Variants in LMBR1 observed in about 807,000 individuals in gnomAD.
LMBR1 encodes the protein limb region 1 protein homolog.
Under a neutral mutation model 73.9 loss-of-function variants are expected in LMBR1, and 52 were observed. The observed-to-expected ratio is 0.70, with a 90% CI of 0.56 to 0.89. The LOEUF (loss-of-function observed/expected upper bound fraction) is 0.89, where lower values mean the gene tolerates loss of function less well. Ranked by LOEUF, LMBR1 falls within the 40% of genes least tolerant of loss-of-function variation. The probability of loss-of-function intolerance (pLI) is 0.00; values close to 1 mark genes in which losing one functional copy is unlikely to be tolerated. For missense variants in LMBR1, 539 were observed against 579.8 expected (o/e 0.93, Z 0.72); for synonymous variants, 215 against 209.4 (o/e 1.03, Z -0.23).
chr7:156,865,099 C>A (rs926173452), intron 1 of LMBR1, among the ~76,000 whole-genome samples: 61 of 151,348 alleles, frequency 4.0e-4, no homozygotes, highest in African/African-American at 1.4e-3. Flanking sequence ...TTGAGCTCAG[C>A]AGTTCAAGAC....
Position 156,683,721 on chromosome 7 carries a change from C to G in LMBR1, c.*357G>C, listed in dbSNP as rs768087878. 5.6e-6 allele frequency: 1 copy of G among 179,664 alleles called. No homozygotes were observed. The highest frequency in any genetic ancestry group is 1.2e-5 in the Non-Finnish European group (1 of 86,460). 11.1% of individuals were successfully genotyped at this position (179,664 alleles called of 1,614,324 possible). A position where few individuals can be genotyped will look rare whatever the true frequency, so the allele number is the denominator to read the frequency against. The stretch of plus-strand genomic sequence containing the variant: ...AGTACATAATGGGATTTAAGTAAAT[C>G]TTTAGAAGTCCCGGAGTTTGCCTTT... On this transcript the variant is annotated 3_prime_UTR_variant, in exon 17 of 17. Transcript: ENST00000353442.
chr7:156,776,965 C>A (rs1473937218), intron 5 of LMBR1, among the ~76,000 whole-genome samples: 2 of 150,940 alleles, frequency 1.3e-5, no homozygotes, highest in Non-Finnish European at 2.9e-5. Context: ...TGGAATCTCG[C>A]CTGTCGCCCA....
At chr7:156,700,308 T>C (rs1332956749) in intron 15 of LMBR1, among the ~76,000 whole-genome samples, 1 of 151,804 alleles carries the variant, frequency 6.6e-6, no homozygotes, top group African/African-American at 2.4e-5. Flanking sequence ...AACCAAACAC[T>C]GCATGTTCTC....
At position 156,669,574 on chromosome 7, in the gene LMBR1, G is replaced by A. The variant is rs1168584114; in HGVS notation, n.867-287C>T. On this transcript the variant is annotated intron_variant and non_coding_transcript_variant, in intron 4 of 4. Transcript: ENST00000430825. This position sits in a 1 kb window ranked among gnomAD's most constrained non-coding sequence, Gnocchi z 4.2. Reference sequence around the variant, plus strand: ...TGACCCTTCCAGGACCCAGACCCCTGTGAGGCCCTGAGCTGGGCGCTGAGC... The same window carrying A: ...TGACCCTTCCAGGACCCAGACCCCTATGAGGCCCTGAGCTGGGCGCTGAGC... 2.6e-5 allele frequency among the ~76,000 whole-genome samples: 4 copies of A among 152,178 alleles called. No individual in the cohort carries two copies. Among genetic ancestry groups the A allele is most frequent in the Non-Finnish European group, 5.9e-5 (4 of 68,024 alleles).
At chr7:156,879,663 CAAA>C (rs751353773) in intron 1 of LMBR1, among the ~76,000 whole-genome samples, 1 of 92,440 alleles carries the variant, frequency 1.1e-5, no homozygotes. Context: ...GACTCTGTCT[CAAA>C]AAAAAAAAAA....
At chr7:156,837,950 C>G (rs1837960877) in intron 1 of LMBR1, among the ~76,000 whole-genome samples, 1 of 151,960 alleles carries the variant, frequency 6.6e-6, no homozygotes, top group Non-Finnish European at 1.5e-5. Flanking sequence ...CCATGCCTGG[C>G]TAATTCTTGT....
rs184745610 is a variant in LMBR1 at position 156,806,082 on chromosome 7, T to C, written c.320-9590A>G. Among the ~76,000 whole-genome samples, 29 of 152,234 alleles carry C rather than the reference T, an allele frequency of 1.9e-4. No homozygotes were observed. In the East Asian group the frequency reaches 5.6e-3, roughly 29 times the overall value. On this transcript the variant is annotated intron_variant, in intron 4 of 16. Transcript: ENST00000353442. Reference sequence around the variant, plus strand: ...TTGTAAGCCACCCAGTCTATGGTATTGTTATAGCAGCCCAAACTGATAAAG... The same window carrying C: ...TTGTAAGCCACCCAGTCTATGGTATCGTTATAGCAGCCCAAACTGATAAAG...
chr7:156,803,503 C>T (rs1831396610), intron 4 of LMBR1, among the ~76,000 whole-genome samples: 1 of 152,142 alleles, frequency 6.6e-6, no homozygotes, highest in African/African-American at 2.4e-5. Context: ...CAGGAAACAA[C>T]AGGTGCTGGA....
At chr7:156,864,856 C>T (rs142975197) in intron 1 of LMBR1, among the ~76,000 whole-genome samples, 4,421 of 152,042 alleles carry the variant, frequency 0.029, 96 homozygotes, top group South Asian at 0.083. Flanking sequence ...ATTAGCCAGG[C>T]ACGGTGGTGG....
At chr7:156,795,728 T>C (rs960053545) in intron 5 of LMBR1, among the ~76,000 whole-genome samples, 11 of 152,256 alleles carry the variant, frequency 7.2e-5, no homozygotes, top group African/African-American at 9.6e-5. Context: ...AATTTTTTTA[T>C]TTTTAGTACA....
chr7:156,749,879 G>A (rs1820520527), intron 9 of LMBR1, among the ~76,000 whole-genome samples: 1 of 152,120 alleles, frequency 6.6e-6, no homozygotes, highest in African/African-American at 2.4e-5. Context: ...AATAGAGACC[G>A]GGTTTCACCA....
intron 15 of LMBR1, among the ~76,000 whole-genome samples, chr7:156,703,420 G>T (rs1810227010): frequency 6.6e-6 from 1 of 152,184 alleles, no homozygotes; most frequent in Admixed American, 6.5e-5. Context: ...CCAGGATGGG[G>T]GCTGGGTGGC....
chr7:156,750,096 T>C (rs750616882), intron 9 of LMBR1, among the ~76,000 whole-genome samples: 1 of 152,212 alleles, frequency 6.6e-6, no homozygotes, highest in Non-Finnish European at 1.5e-5. Context: ...GTTCAAAGAC[T>C]ATGATATTTT....
intron 5 of LMBR1, among the ~76,000 whole-genome samples, chr7:156,779,479 G>C (rs139734445): frequency 6.6e-6 from 1 of 152,314 alleles, no homozygotes; most frequent in Non-Finnish European, 1.5e-5. Context: ...CGATGAAATA[G>C]ATTAGTAAAG....
intron 5 of LMBR1, among the ~76,000 whole-genome samples, chr7:156,783,262 C>T (rs756002140): frequency 1.3e-5 from 2 of 152,134 alleles, no homozygotes; most frequent in African/African-American, 2.4e-5. Context: ...GCTTCAAACT[C>T]CTGGGCTCAA....
chr7:156,889,865 T>C (rs1802585470), intron 1 of LMBR1, among the ~76,000 whole-genome samples: 1 of 152,110 alleles, frequency 6.6e-6, no homozygotes. Flanking sequence ...AGTGCACACC[T>C]GTATGATTCA....
At position 156,683,765 on chromosome 7, in the gene LMBR1, G is replaced by T; in HGVS notation, c.*313C>A. 1 of 231,950 alleles carries T rather than the reference G, an allele frequency of 4.3e-6. No homozygotes were observed. The highest frequency in any genetic ancestry group is 8.3e-6 in the Non-Finnish European group (1 of 120,800). 14.4% of individuals were successfully genotyped at this position (231,950 alleles called of 1,614,324 possible). A position where few individuals can be genotyped will look rare whatever the true frequency, so the allele number is the denominator to read the frequency against. The stretch of plus-strand genomic sequence containing the variant: ...TGCCTTTTCTAACATTTTCATATCA[G>T]GTGAAAACAATTTTTTCATATGGGT... On this transcript the variant is annotated 3_prime_UTR_variant, in exon 17 of 17. Transcript: ENST00000353442.
rs778862287 is a variant in LMBR1, at chr7:156,826,638, A to C, written c.286T>G (p.Tyr96Asp). Reference sequence around the variant, plus strand: ...AGGGAGCCATTTAGCCACTGAATATAGTAGTTCTGAGGAAAAGAAAGCAGG... The same window carrying C: ...AGGGAGCCATTTAGCCACTGAATATCGTAGTTCTGAGGAAAAGAAAGCAGG... ...EILLSFPQNY[Y>D]IQWLNGSLIH... Residue 96 changes from tyrosine to aspartate, a missense_variant, in exon 4 of 17, where the codon TAT (tyrosine) becomes GAT (aspartate). Around this residue, in one of 3 missense-constraint regions of LMBR1, gnomAD observed 454 missense variants for 473.4 expected, o/e 0.96. Transcript: ENST00000353442. The C allele has an allele frequency of 6.3e-7, 1 of 1,590,258 alleles. No homozygotes were observed. Among genetic ancestry groups the C allele is most frequent in the South Asian group, 1.1e-5 (1 of 87,784 alleles).
chr7:156,738,288 A>G (rs1818268875), intron 9 of LMBR1, among the ~76,000 whole-genome samples: 1 of 152,192 alleles, frequency 6.6e-6, no homozygotes, highest in Non-Finnish European at 1.5e-5. Context: ...GAGCATGTGG[A>G]CCAGCCCTAG....
Sources: gnomAD v4.1 joint callset for allele counts (sites outside exome capture counted in the v4.1 genomes callset) on GRCh38, gnomAD v4.1.1 for gene constraint, gnomAD v4.1.1 regional missense constraint, Gnocchi (gnomAD v3.1) non-coding constraint, MANE v1.5 for transcripts, NCBI Gene and HGNC (gene_info 2026-07-23, HGNC 2026-07-21) for gene names.